Variants in NAV1 observed in about 807,000 individuals in gnomAD.
The protein encoded by NAV1 is pore membrane and/or filament interacting like protein 3.
NAV1 carries 18 observed loss-of-function variants against 175.2 expected under a neutral mutation model. The ratio of observed to expected loss-of-function variants is 0.10; its 90% CI spans 0.07 to 0.15. NAV1 has a LOEUF of 0.15. NAV1 is among the 10% of genes least tolerant of loss of function. The pLI is 1.00. For missense variants in NAV1, 1,731 were observed against 2,436.6 expected (o/e 0.71, Z 6.10); for synonymous variants, 897 against 978.7 (o/e 0.92, Z 1.56).
chr1:201,554,767 C>G (rs973407516), intron 1 of NAV1, among the ~76,000 whole-genome samples: 2 of 152,158 alleles, frequency 1.3e-5, no homozygotes, highest in African/African-American at 4.8e-5. Context: ...GATCAGTTTG[C>G]TAGGGCTGCC....
chr1:201,590,135 C>T (rs1371613847), intron 2 of NAV1, among the ~76,000 whole-genome samples: 1 of 151,042 alleles, frequency 6.6e-6, no homozygotes, highest in Admixed American at 6.6e-5. Flanking sequence ...TCAAGTGGTC[C>T]ATCTGCCTCG....
chr1:201,734,465 G>C (rs2102532558), intron 3 of NAV1, among the ~76,000 whole-genome samples: 1 of 147,188 alleles, frequency 6.8e-6, no homozygotes, highest in South Asian at 2.3e-4. Flanking sequence ...GGAGGAGGAG[G>C]AGGAAGAGGA....
intron 1 of NAV1, among the ~76,000 whole-genome samples, chr1:201,656,568 G>T (rs1424665580): frequency 2.0e-5 from 3 of 152,180 alleles, no homozygotes; most frequent in Non-Finnish European, 4.4e-5. Flanking sequence ...CAAGTATGAC[G>T]AGAGCTATTG....
chr1:201,788,338 C>T lies in NAV1; in HGVS notation c.2996-130C>T, dbSNP rs1676899342. The T allele has an allele frequency of 1.1e-6, 1 of 927,580 alleles. No homozygotes were observed. The highest frequency in any genetic ancestry group is 1.5e-5 in the South Asian group (1 of 66,842). 57.5% of individuals were successfully genotyped at this position (927,580 alleles called of 1,614,324 possible). On this transcript the variant is annotated intron_variant, in intron 9 of 29. Coordinates refer to ENST00000367296, the Ensembl canonical transcript of NAV1. This position sits in a 1 kb window ranked among gnomAD's most constrained non-coding sequence, Gnocchi z 5.7. ...CACCACCGCACCTGCCCCTTCCTCT[C>T]CTGCCCTCTCCCCATTTGCCTCTCA...
intron 17 of NAV1, among the ~76,000 whole-genome samples, chr1:201,805,106 C>T (rs553867598): frequency 3.9e-5 from 6 of 152,186 alleles, no homozygotes; most frequent in African/African-American, 7.2e-5. Flanking sequence ...ACAGAAAATG[C>T]ATCCAGAATT....
At chr1:201,661,779 GTAGCCCCTGATTTC>G (rs1481101496) in intron 1 of NAV1, among the ~76,000 whole-genome samples, 2 of 150,350 alleles carry the variant, frequency 1.3e-5, no homozygotes, top group East Asian at 3.9e-4. Context: ...CCCTCAGCCT[GTAGCCCCTGATTTC>G]TAGACTAGAT....
At chr1:201,630,938 G>C (rs1049895383) in intron 2 of NAV1, among the ~76,000 whole-genome samples, 1 of 152,226 alleles carries the variant, frequency 6.6e-6, no homozygotes, top group Non-Finnish European at 1.5e-5. Context: ...TATCCGATGA[G>C]TTGATGAGAG....
intron 1 of NAV1, among the ~76,000 whole-genome samples, chr1:201,572,675 A>C (rs983836748): frequency 6.6e-6 from 1 of 151,954 alleles, no homozygotes; most frequent in Non-Finnish European, 1.5e-5. Context: ...GCCAGATTCT[A>C]ATTTCTTTTA....
chr1:201,550,179 T>G (rs551838820), intron 1 of NAV1, among the ~76,000 whole-genome samples: 21 of 152,266 alleles, frequency 1.4e-4, no homozygotes, highest in African/African-American at 3.4e-4. Context: ...TCACTTTTTT[T>G]TTGTTTTTAA....
chr1:201,733,937 T>A (rs1672976524), intron 3 of NAV1, among the ~76,000 whole-genome samples: 1 of 152,120 alleles, frequency 6.6e-6, no homozygotes. Flanking sequence ...AGGGACGATG[T>A]GATCCAACAT....
At chr1:201,624,625 C>A (rs1349160326) in intron 1 of NAV1, among the ~76,000 whole-genome samples, 3 of 151,870 alleles carry the variant, frequency 2.0e-5, no homozygotes. Context: ...GGATTACAGG[C>A]GTGAGCCACC....
At position 201,788,462 on chromosome 1, in the gene NAV1, T is replaced by G; in HGVS notation, c.2996-6T>G. 1.2e-6 allele frequency: 2 copies of G among 1,613,922 alleles called. No individual in the cohort carries two copies. Among genetic ancestry groups the G allele is most frequent in the Non-Finnish European group, 1.7e-6 (2 of 1,179,960 alleles). On this transcript the variant is annotated splice_polypyrimidine_tract_variant and splice_region_variant and intron_variant, in intron 9 of 29. Coordinates refer to ENST00000367296, the Ensembl canonical transcript of NAV1. This position sits in a 1 kb window ranked among gnomAD's most constrained non-coding sequence, Gnocchi z 5.7. ...TCTCCTGTCCCCCTTCCCTCTGTCCTTCCAGTGAGTCCCACTGCGGCCACC... is the reference window on the plus strand; with the variant it reads ...TCTCCTGTCCCCCTTCCCTCTGTCCGTCCAGTGAGTCCCACTGCGGCCACC...
At chr1:201,817,702 T>C (rs938717906) in intron 29 of NAV1, among the ~76,000 whole-genome samples, 1 of 152,016 alleles carries the variant, frequency 6.6e-6, no homozygotes, top group Non-Finnish European at 1.5e-5. Flanking sequence ...GTAGATCTCA[T>C]GATGTAGGAA....
chr1:201,779,292 C>A (rs1006049938), intron 3 of NAV1, among the ~76,000 whole-genome samples: 1 of 151,928 alleles, frequency 6.6e-6, no homozygotes, highest in African/African-American at 2.4e-5. Context: ...ACTTGTTAAA[C>A]CCAAAAATGA....
chr1:201,689,866 A>G (rs998039621), intron 1 of NAV1, among the ~76,000 whole-genome samples: 4 of 151,984 alleles, frequency 2.6e-5, no homozygotes, highest in East Asian at 1.9e-4. Flanking sequence ...GAGTGTGTCT[A>G]TTTCCTCCAT....
At chr1:201,727,828 T>A (rs570106687) in intron 3 of NAV1, among the ~76,000 whole-genome samples, 44 of 152,304 alleles carry the variant, frequency 2.9e-4, no homozygotes, top group Non-Finnish European at 5.0e-4. Flanking sequence ...AGCATGGGTA[T>A]TTATATGTCA....
chr1:201,810,777 C>T lies in NAV1; in HGVS notation c.4797+19C>T. On this transcript the variant is annotated intron_variant, in intron 24 of 29. Coordinates refer to ENST00000367296, the Ensembl canonical transcript of NAV1. This position sits in a 1 kb window ranked among gnomAD's most constrained non-coding sequence, Gnocchi z 6.0. ...TTGCAAGGTGGCTGCCCCCCGACAC[C>T]CCTGCCAGCCTTTGTTCATGCCTCA... 1 of 1,597,028 alleles carries T rather than the reference C, an allele frequency of 6.3e-7. No individual in the cohort carries two copies. Among genetic ancestry groups the T allele is most frequent in the Non-Finnish European group, 8.6e-7 (1 of 1,166,014 alleles).
At chr1:201,671,973 C>A (rs574058822) in intron 1 of NAV1, among the ~76,000 whole-genome samples, 2 of 152,194 alleles carry the variant, frequency 1.3e-5, no homozygotes, top group Non-Finnish European at 2.9e-5. Flanking sequence ...CGCATCCCGG[C>A]CTCTCTCCCA....
At chr1:201,554,379 GA>G (rs1665951973) in intron 1 of NAV1, among the ~76,000 whole-genome samples, 1 of 152,152 alleles carries the variant, frequency 6.6e-6, no homozygotes, top group Non-Finnish European at 1.5e-5. Context: ...TCACCGATGG[GA>G]AGCCAGCACA....
Sources: allele counts gnomAD v4.1 joint callset (sites outside exome capture counted in the v4.1 genomes callset), GRCh38; gene constraint gnomAD v4.1.1; non-coding constraint Gnocchi (gnomAD v3.1); transcripts MANE v1.5; gene names NCBI Gene and HGNC (gene_info 2026-07-23, HGNC 2026-07-21).